RARB: variants seen among roughly 807,000 people sequenced by gnomAD.
RARB encodes the protein HBV-activated protein.
A neutral mutation model predicts 51.9 loss-of-function variants in RARB; 17 were observed. That is an observed-to-expected ratio of 0.33 (90% CI 0.22 to 0.49). The LOEUF (loss-of-function observed/expected upper bound fraction) is 0.49. Among genes scored for constraint, RARB ranks in the 20% least tolerant of loss-of-function variants. RARB has a pLI of 0.99. For missense variants in RARB, 369 were observed against 550.8 expected (o/e 0.67, Z 3.30); for synonymous variants, 215 against 195.4 (o/e 1.10, Z -0.84).
At chr3:25,159,243 A>AACCTCC (rs1446011873) in intron 4 of RARB, among the ~76,000 whole-genome samples, 17 of 137,192 alleles carry the variant, frequency 1.2e-4, no homozygotes, top group African/African-American at 4.7e-4. Flanking sequence ...GGCTCACCAC[A>AACCTCC]ACCTCCACCT....
intron 2 of RARB, among the ~76,000 whole-genome samples, chr3:25,007,091 G>T (rs1575115832): frequency 6.6e-6 from 1 of 152,168 alleles, no homozygotes; most frequent in Non-Finnish European, 1.5e-5. Context: ...TTTGATTTAT[G>T]CTTCAGACTT....
intron 2 of RARB, among the ~76,000 whole-genome samples, chr3:25,040,279 A>G (rs1231551959): frequency 2.6e-5 from 4 of 152,306 alleles, no homozygotes; most frequent in South Asian, 4.1e-4. Flanking sequence ...TATATAGTCA[A>G]TGTAGTTGCC....
At chr3:25,234,082 T>G (rs1387144886) in intron 5 of RARB, among the ~76,000 whole-genome samples, 1 of 152,180 alleles carries the variant, frequency 6.6e-6, no homozygotes, top group Admixed American at 6.5e-5. Flanking sequence ...ATTAACAGAA[T>G]TGAGAAATAT....
intron 1 of RARB, among the ~76,000 whole-genome samples, chr3:25,456,329 C>T (rs1031220984): frequency 2.0e-5 from 3 of 152,050 alleles, no homozygotes; most frequent in Non-Finnish European, 2.9e-5. Context: ...TGCTTATTTC[C>T]CACTGACTTT....
chr3:25,093,289 G>T (rs528326456), intron 3 of RARB, among the ~76,000 whole-genome samples: 3 of 152,048 alleles, frequency 2.0e-5, no homozygotes, highest in African/African-American at 7.2e-5. Flanking sequence ...TTTAATTTTT[G>T]TTGGTGAAAA....
intron 5 of RARB, among the ~76,000 whole-genome samples, chr3:25,301,707 A>T (rs1052720480): frequency 6.6e-6 from 1 of 152,208 alleles, no homozygotes; most frequent in Admixed American, 6.5e-5. Context: ...ACAAGAACAA[A>T]GACCCTGTGC....
intron 2 of RARB, among the ~76,000 whole-genome samples, chr3:25,032,475 T>C (rs1392922900): frequency 6.6e-6 from 1 of 152,230 alleles, no homozygotes; most frequent in Non-Finnish European, 1.5e-5. Context: ...AGAATGAGAC[T>C]GTCTTATTCA....
chr3:25,172,259 C>T (rs1182867229), intron 4 of RARB, among the ~76,000 whole-genome samples: 1 of 152,056 alleles, frequency 6.6e-6, no homozygotes, highest in Non-Finnish European at 1.5e-5. Flanking sequence ...AGAGTACAAC[C>T]AGCATAACAG....
chr3:25,291,082 C>G (rs1703774692), intron 5 of RARB, among the ~76,000 whole-genome samples: 2 of 152,164 alleles, frequency 1.3e-5, no homozygotes, highest in African/African-American at 4.8e-5. Context: ...TGAAATCCCT[C>G]AGTTTCCCCT....
chr3:25,235,460 A>T (rs2125392856), intron 5 of RARB, among the ~76,000 whole-genome samples: 1 of 152,338 alleles, frequency 6.6e-6, no homozygotes, highest in East Asian at 1.9e-4. Context: ...CTGTCTCCTC[A>T]CCAAAAGGAG....
At chr3:24,916,602 C>T (rs1359724430) in intron 2 of RARB, among the ~76,000 whole-genome samples, 2 of 151,782 alleles carry the variant, frequency 1.3e-5, no homozygotes, top group Admixed American at 1.3e-4. Context: ...AGTGATGTTT[C>T]CCAGAAAGCA....
intron 3 of RARB, among the ~76,000 whole-genome samples, chr3:25,506,252 CAAAAAAAA>C (rs35856686): frequency 1.7e-5 from 1 of 57,764 alleles, no homozygotes; most frequent in African/African-American, 7.0e-5. Context: ...GACTCCATCT[CAAAAAAAA>C]AAAAAAAAAA....
chr3:25,065,470 C>G (rs1698642858), intron 3 of RARB, among the ~76,000 whole-genome samples: 1 of 152,112 alleles, frequency 6.6e-6, no homozygotes, highest in Non-Finnish European at 1.5e-5. Context: ...GACTATAGTT[C>G]TGATAGTGTT....
At chr3:25,524,686 T>C (rs1439605291) in intron 3 of RARB, among the ~76,000 whole-genome samples, 2 of 149,040 alleles carry the variant, frequency 1.3e-5, no homozygotes, top group East Asian at 4.1e-4. Context: ...CCTATCCTCT[T>C]CTTTCTGTCC....
intron 3 of RARB, among the ~76,000 whole-genome samples, chr3:25,501,605 G>A (rs1420956932): frequency 2.0e-5 from 3 of 152,184 alleles, no homozygotes; most frequent in Non-Finnish European, 4.4e-5. Context: ...AGTAACTCAA[G>A]CATATTACAC....
intron 5 of RARB, among the ~76,000 whole-genome samples, chr3:25,344,511 C>T (rs549756565): frequency 1.8e-4 from 27 of 152,210 alleles, no homozygotes; most frequent in African/African-American, 6.0e-4. Flanking sequence ...AGGAATGGGC[C>T]TACAATTCAT....
chr3:25,236,395 A>G (rs1702300723), intron 5 of RARB, among the ~76,000 whole-genome samples: 1 of 152,160 alleles, frequency 6.6e-6, no homozygotes, highest in African/African-American at 2.4e-5. Context: ...GTTGCTTTAC[A>G]TATCTGTAGC....
intron 5 of RARB, among the ~76,000 whole-genome samples, chr3:25,318,629 A>C (rs531038658): frequency 1.3e-5 from 2 of 152,188 alleles, no homozygotes; most frequent in Non-Finnish European, 2.9e-5. Flanking sequence ...TAGAACAATG[A>C]CAGGGATCTG....
At chr3:25,015,889 T>G (rs985142635) in intron 2 of RARB, among the ~76,000 whole-genome samples, 1 of 152,198 alleles carries the variant, frequency 6.6e-6, no homozygotes, top group East Asian at 1.9e-4. Flanking sequence ...ATAAATCAAG[T>G]CATATCATGT....
Sources: gnomAD v4.1 joint callset for allele counts (sites outside exome capture counted in the v4.1 genomes callset) on GRCh38, gnomAD v4.1.1 for gene constraint, MANE v1.5 for transcripts, NCBI Gene and HGNC (gene_info 2026-07-23, HGNC 2026-07-21) for gene names.